The following KAT2A variants were observed in gnomAD, a reference collection of about 807,000 sequenced individuals.
KAT2A encodes histone acetyltransferase KAT2A.
In KAT2A, 42 loss-of-function variants were observed where a neutral mutation model predicts 95.2. The observed-to-expected ratio is 0.44, with a 90% CI of 0.34 to 0.57. The LOEUF is 0.57. KAT2A is among the 20% of genes least tolerant of loss of function. The pLI is 0.01. For missense variants in KAT2A, 784 were observed against 1,126.3 expected (o/e 0.70, Z 4.35); for synonymous variants, 449 against 448.2 (o/e 1.00, Z -0.02).
intron 12 of KAT2A, 38 bp from the exon 13 acceptor site, chr17:42,115,073 G>A: frequency 6.2e-7 from 1 of 1,604,996 alleles, no homozygotes; most frequent in South Asian, 1.1e-5. Context: ...CCATCCATAA[G>A]TATTTCCCAA....
chr17:42,117,217 G>A lies in KAT2A; in HGVS notation c.1638-56C>T. 1 of 1,605,772 alleles carries A rather than the reference G, an allele frequency of 6.2e-7. No homozygotes were observed. The highest frequency in any genetic ancestry group is 1.1e-5 in the South Asian group (1 of 90,692). On this transcript the variant is annotated intron_variant, in intron 10 of 17. Transcript: ENST00000225916. The surrounding 1 kb of genome is among the most constrained non-coding windows in gnomAD (Gnocchi z 8.9). Reference sequence around the variant, plus strand: ...TGACTGTCCCCTTCAGGTCCCCAGAGCCCTGGAAGTCTGAGCTGTAGTCAG... The same window carrying A: ...TGACTGTCCCCTTCAGGTCCCCAGAACCCTGGAAGTCTGAGCTGTAGTCAG...
Position 42,114,957 on chromosome 17 carries a change from C to G in KAT2A, c.1954G>C (p.Glu652Gln), listed in dbSNP as rs1182443793. 6.2e-7 allele frequency: 1 copy of G among 1,614,012 alleles called. No homozygotes were observed. Among genetic ancestry groups the G allele is most frequent in the Non-Finnish European group, 8.5e-7 (1 of 1,179,964 alleles). ...GGGATGCGGGGATTCAGCTCACACT[C>G]CATCAGCGTCGCTCCCTCGTAGTCC... ...IKDYEGATLM[E>Q]CELNPRIPYT... is the part of the protein sequence containing the mutation. The change falls in exon 13 of 18, where the codon GAG (glutamate) becomes CAG (glutamine). Residue 652 changes from glutamate (E) to glutamine (Q), a missense_variant. This residue lies in a region of KAT2A where 195 missense variants were observed against 247.1 expected (regional missense o/e 0.79). Coordinates refer to ENST00000225916, the MANE Select transcript of KAT2A (RefSeq NM_021078.3). The surrounding 1 kb of genome is among the most constrained non-coding windows in gnomAD (Gnocchi z 6.0).
chr17:42,120,990 C>G lies in KAT2A; in HGVS notation c.315G>C (p.Lys105Asn). The G allele has an allele frequency of 6.3e-7, 1 of 1,591,302 alleles. No homozygotes were observed. Among genetic ancestry groups the G allele is most frequent in the Non-Finnish European group, 8.5e-7 (1 of 1,170,236 alleles). The change falls in exon 1 of 18, where the codon AAG (lysine) becomes AAC (asparagine). Residue 105 changes from lysine to asparagine, a missense_variant. Lys to Asn is a moderately conservative substitution (Grantham distance 94, BLOSUM62 0). Around this residue, in one of 6 missense-constraint regions of KAT2A, gnomAD observed 208 missense variants for 339.7 expected, o/e 0.61. Transcript: ENST00000225916. ...CCTTGCAAGCCGAGAAGACCCCTAGCTTCTCAAGCTTCTTGGCGCGCGGCA... is the reference window on the plus strand; with the variant it reads ...CCTTGCAAGCCGAGAAGACCCCTAGGTTCTCAAGCTTCTTGGCGCGCGGCA... ...RGLPRAKKLE[K>N]LGVFSACKAN...
Position 42,114,230 on chromosome 17 carries a change from CCAG to C in KAT2A, c.2221_2223del (p.Leu741del). The C allele has an allele frequency of 6.3e-7, 1 of 1,597,268 alleles. No homozygotes were observed. The highest frequency in any genetic ancestry group is 8.5e-7 in the Non-Finnish European group (1 of 1,170,552). On this transcript the variant is annotated inframe_deletion, in exon 16 of 18. Coordinates refer to ENST00000225916, the MANE Select transcript of KAT2A (RefSeq NM_021078.3). This position sits in a 1 kb window ranked among gnomAD's most constrained non-coding sequence, Gnocchi z 6.0. ...CCTGGTCTCCCCACCTTGATTTGGG[CCAG>C]CAGGTTTTTGAGGGTTGTGTAGAGC...
rs782668991 is a variant in KAT2A, at chr17:42,117,020, G to A, written c.1764+15C>T. 3 of 1,613,310 alleles carry A rather than the reference G, an allele frequency of 1.9e-6. No homozygotes were observed. Among genetic ancestry groups the A allele is most frequent in the Non-Finnish European group, 2.5e-6 (3 of 1,179,904 alleles). On this transcript the variant is annotated intron_variant, in intron 11 of 17. Transcript: ENST00000225916. The surrounding 1 kb of genome is among the most constrained non-coding windows in gnomAD (Gnocchi z 8.9). ...GGGCCGTGGACTGGGGCTGGGGCCGGGGAGCCGCGCTCACCTTGACCTGCT... is the reference window on the plus strand; with the variant it reads ...GGGCCGTGGACTGGGGCTGGGGCCGAGGAGCCGCGCTCACCTTGACCTGCT...
chr17:42,116,326 G>T (rs889604978), intron 11 of KAT2A, among the ~76,000 whole-genome samples: 2 of 152,228 alleles, frequency 1.3e-5, no homozygotes, highest in Non-Finnish European at 2.9e-5. Flanking sequence ...GCACCACACA[G>T]ATCTGAGGTA....
chr17:42,116,177 C>A (rs529806767), intron 11 of KAT2A, among the ~76,000 whole-genome samples: 1 of 152,334 alleles, frequency 6.6e-6, no homozygotes, highest in South Asian at 2.1e-4. Flanking sequence ...GGCTGCCAGC[C>A]GTGGCAGGGC....
Position 42,117,954 on chromosome 17 carries a change from C to T in KAT2A, c.1244G>A (p.Ser415Asn), listed in dbSNP as rs1555666404. 1.2e-6 allele frequency: 2 copies of T among 1,608,388 alleles called. No individual in the cohort carries two copies. Among genetic ancestry groups the T allele is most frequent in the East Asian group, 2.2e-5 (1 of 44,768 alleles). The change falls in exon 8 of 18, where the codon AGC becomes AAC. Residue 415 changes from serine (S) to asparagine (N), a missense_variant. Transcript: ENST00000225916. This position sits in a 1 kb window ranked among gnomAD's most constrained non-coding sequence, Gnocchi z 8.9. ...PIFSPSMGGGSNSSLSLDSAG... is the reference protein window; with the variant it reads ...PIFSPSMGGGNNSSLSLDSAG... ...AGAATCCAGACTCAGGGAGCTGTTG[C>T]TGCCCCCACCCATGCTGGGGCTGAA...
In KAT2A at chr17:42,119,805, GC is replaced by G; in HGVS notation, c.700-88del. The G allele has an allele frequency of 8.2e-7, 1 of 1,222,364 alleles. No homozygotes were observed. The highest frequency in any genetic ancestry group is 1.1e-6 in the Non-Finnish European group (1 of 876,316). The allele number at this position is 1,222,364 out of a possible 1,614,324, so 75.7% of individuals were successfully genotyped here. The stretch of plus-strand genomic sequence containing the variant: ...CTTAGACAAAGGAAGATGCTCCCTG[GC>G]CAGGGACAAGGTTCTCCTTCTCCTC... On this transcript the variant is annotated intron_variant, in intron 4 of 17. Coordinates refer to ENST00000225916, the MANE Select transcript of KAT2A (RefSeq NM_021078.3). This position sits in a 1 kb window ranked among gnomAD's most constrained non-coding sequence, Gnocchi z 5.3.
rs541010807 is a variant in KAT2A, at chr17:42,119,910, C to G, written c.699+120G>C. Reference sequence around the variant, plus strand: ...CCACCCTGAGGTTAGCACAAAACACCCTTCCTTCTCTGAACCTCCCCAGTG... The same window carrying G: ...CCACCCTGAGGTTAGCACAAAACACGCTTCCTTCTCTGAACCTCCCCAGTG... On this transcript the variant is annotated intron_variant, in intron 4 of 17. Coordinates refer to ENST00000225916, the MANE Select transcript of KAT2A (RefSeq NM_021078.3). The surrounding 1 kb of genome is among the most constrained non-coding windows in gnomAD (Gnocchi z 5.3). 44 of 1,080,936 alleles carry G rather than the reference C, an allele frequency of 4.1e-5. No individual in the cohort carries two copies. The East Asian group carries it at 1.1e-3, about 26-fold the overall frequency. 67.0% of individuals were successfully genotyped at this position (1,080,936 alleles called of 1,614,324 possible). A position where few individuals can be genotyped will look rare whatever the true frequency, so the allele number is the denominator to read the frequency against.
In KAT2A at chr17:42,117,474, C is replaced by T. The variant is rs374631275; in HGVS notation, c.1551G>A (p.Leu517=). The change falls in exon 10 of 18, where the codon TTG becomes TTA. Residue 517 remains leucine, a synonymous_variant. Coordinates refer to ENST00000225916, the MANE Select transcript of KAT2A (RefSeq NM_021078.3). This position sits in a 1 kb window ranked among gnomAD's most constrained non-coding sequence, Gnocchi z 8.9. Reference sequence around the variant, plus strand: ...CATTCTGCAGCCCCACGAGCCACAGCAACACCCGCCGGTTGGCCTTGGGCG... The same window carrying T: ...CATTCTGCAGCCCCACGAGCCACAGTAACACCCGCCGGTTGGCCTTGGGCG... ...SLTPKANRRV[L]LWLVGLQNVF... The T allele has an allele frequency of 5.6e-6, 9 of 1,613,448 alleles. No individual in the cohort carries two copies. Among genetic ancestry groups the T allele is most frequent in the Non-Finnish European group, 7.6e-6 (9 of 1,180,052 alleles).
At position 42,114,485 on chromosome 17, in the gene KAT2A, C is replaced by A; in HGVS notation, c.2134+5G>T. 6.2e-7 allele frequency: 1 copy of A among 1,613,960 alleles called. No individual in the cohort carries two copies. ...CACTACCCTGCAACTGAGACCCCTGCTTACGAATGCCAGGAACGCTCTCCA... is the reference window on the plus strand; with the variant it reads ...CACTACCCTGCAACTGAGACCCCTGATTACGAATGCCAGGAACGCTCTCCA... On this transcript the variant is annotated splice_donor_5th_base_variant and intron_variant, in intron 14 of 17. Coordinates refer to ENST00000225916, the MANE Select transcript of KAT2A (RefSeq NM_021078.3). This position sits in a 1 kb window ranked among gnomAD's most constrained non-coding sequence, Gnocchi z 6.0.
In KAT2A at chr17:42,119,054, C is replaced by T. The variant is rs1261668177; in HGVS notation, c.1073+191G>A. 7.0e-7 allele frequency: 1 copy of T among 1,431,720 alleles called. No individual in the cohort carries two copies. The highest frequency in any genetic ancestry group is 1.4e-5 in the African/African-American group (1 of 69,536). The allele number at this position is 1,431,720 out of a possible 1,614,324, so 88.7% of individuals were successfully genotyped here. On this transcript the variant is annotated intron_variant, in intron 6 of 17. Transcript: ENST00000225916. This position sits in a 1 kb window ranked among gnomAD's most constrained non-coding sequence, Gnocchi z 5.3. ...GGCAGCGTTAGCTTGGGCTATGTAC[C>T]TGCCATCCCCAGACTAGTACTAGCA...
chr17:42,119,275 T>C lies in KAT2A; in HGVS notation c.1043A>G (p.Lys348Arg). 6.2e-7 allele frequency: 1 copy of C among 1,613,262 alleles called. No individual in the cohort carries two copies. Among genetic ancestry groups the C allele is most frequent in the South Asian group, 1.1e-5 (1 of 91,016 alleles). Residue 348 changes from lysine to arginine, a missense_variant, in exon 6 of 18, where the codon AAG (lysine) becomes AGG (arginine). Lys to Arg is a conservative substitution (Grantham distance 26, BLOSUM62 2). Transcript: ENST00000225916. The surrounding 1 kb of genome is among the most constrained non-coding windows in gnomAD (Gnocchi z 5.3). ...RVEKDKLVPE[K>R]RTLILTHFPK... ...GAAGTGAGTGAGGATGAGGGTCCTC[T>C]TCTCGGGCACCAATTTGTCCTTCTC...
intron 7 of KAT2A, 89 bp from the exon 8 acceptor site, chr17:42,118,106 G>A (rs1374805279): frequency 1.3e-5 from 10 of 787,370 alleles, no homozygotes; most frequent in African/African-American, 4.4e-5. Context: ...GCTGAGGAGA[G>A]AGAGAGTCAG....
intron 6 of KAT2A, chr17:42,118,975 A>G (rs1265956353): frequency 4.0e-6 from 5 of 1,241,756 alleles, no homozygotes; most frequent in South Asian, 2.4e-5. Context: ...GGCTGTGTCC[A>G]GGCCCCCATG....
chr17:42,121,007 C>A lies in KAT2A; in HGVS notation c.298G>T (p.Ala100Ser), dbSNP rs782256723. 20 of 1,593,990 alleles carry A rather than the reference C, an allele frequency of 1.3e-5. No individual in the cohort carries two copies. The Admixed American group carries it at 3.3e-4, about 26-fold the overall frequency. ...RKAQVRGLPR[A>S]KKLEKLGVFS... ...ACCCCTAGCTTCTCAAGCTTCTTGGCGCGCGGCAGCCCCCGGACTTGCGCC... is the reference window on the plus strand; with the variant it reads ...ACCCCTAGCTTCTCAAGCTTCTTGGAGCGCGGCAGCCCCCGGACTTGCGCC... The change falls in exon 1 of 18, where the codon GCC (alanine) becomes TCC (serine). Residue 100 changes from alanine (A) to serine (S), a missense_variant. This residue lies in a region of KAT2A where 208 missense variants were observed against 339.7 expected (regional missense o/e 0.61). Coordinates refer to ENST00000225916, the MANE Select transcript of KAT2A (RefSeq NM_021078.3).
chr17:42,118,196 T>G, intron 7 of KAT2A, 101 bp downstream of exon 7: 1 of 979,748 alleles, frequency 1.0e-6, no homozygotes. Flanking sequence ...GGTCCCTCAG[T>G]GGGATCCAGG....
Position 42,118,134 on chromosome 17 carries a change from C to T in KAT2A, c.1181-117G>A, listed in dbSNP as rs1486264114. 3.8e-6 allele frequency: 3 copies of T among 787,588 alleles called. No homozygotes were observed. In the East Asian group the frequency reaches 8.0e-5, roughly 21 times the overall value. 48.8% of individuals were successfully genotyped at this position (787,588 alleles called of 1,614,324 possible). ...AGAGTCAGGGACGGGGGTGCTGAAG[C>T]TGAGGAGAGAGAGAGAGAAGGCAGG... On this transcript the variant is annotated intron_variant, in intron 7 of 17. Transcript: ENST00000225916.
Sources: gnomAD v4.1 joint callset for allele counts (sites outside exome capture counted in the v4.1 genomes callset) on GRCh38, gnomAD v4.1.1 for gene constraint, gnomAD v4.1.1 regional missense constraint, Gnocchi (gnomAD v3.1) non-coding constraint, MANE v1.5 for transcripts, NCBI Gene and HGNC (gene_info 2026-07-23, HGNC 2026-07-21) for gene names.